LRRC2: variants seen among roughly 807,000 people sequenced by gnomAD.
The protein encoded by LRRC2 is leucine rich repeat containing 2.
A neutral mutation model predicts 40.2 loss-of-function variants in LRRC2; 27 were observed. The ratio of observed to expected loss-of-function variants is 0.67; its 90% CI spans 0.49 to 0.93. The LOEUF (loss-of-function observed/expected upper bound fraction) is 0.93, where lower values mean the gene tolerates loss of function less well. Among genes scored for constraint, LRRC2 ranks in the 40% least tolerant of loss-of-function variants. The probability of loss-of-function intolerance (pLI) is 0.00; values close to 1 mark genes in which losing one functional copy is unlikely to be tolerated. For missense variants in LRRC2, 402 were observed against 439.6 expected, an observed-to-expected ratio of 0.91 and a Z score of 0.76; for synonymous variants, 147 against 158.9, an observed-to-expected ratio of 0.92 and a Z score of 0.56.
chr3:46,563,972 G>T (rs1705004281), intron 1 of LRRC2, among the ~76,000 whole-genome samples: 1 of 152,204 alleles, frequency 6.6e-6, no homozygotes, highest in African/African-American at 2.4e-5. Flanking sequence ...TACTGAGCCA[G>T]TGTACTTAGT....
intron 2 of LRRC2, among the ~76,000 whole-genome samples, chr3:46,550,805 A>C (rs1704628588): frequency 6.6e-6 from 1 of 152,160 alleles, no homozygotes; most frequent in Admixed American, 6.5e-5. Flanking sequence ...CCATTGTGTC[A>C]ATCTTATATA....
intron 2 of LRRC2, 76 bp from the exon 3 acceptor site, chr3:46,545,329 C>T (rs748505400): frequency 8.5e-6 from 11 of 1,292,838 alleles, no homozygotes; most frequent in Non-Finnish European, 1.1e-5. Flanking sequence ...GAGTCAGCCA[C>T]CTGGGCATAG....
At chr3:46,539,999 G>A (rs60700685) in intron 3 of LRRC2, among the ~76,000 whole-genome samples, 7,449 of 152,242 alleles carry the variant, frequency 0.049, 648 homozygotes, top group African/African-American at 0.17. Context: ...TGACCACAAC[G>A]CACCATCAGC....
rs189778098 is a variant in LRRC2 at position 46,527,438 on chromosome 3, G to A, written c.917C>T (p.Ser306Phe). ...CCGGGCTACTCACTTTAAAGGTGTG[G>A]ATGAGTCACAAAGGGCAGTTGGGAG... The part of the protein sequence containing the change: ...VELPTALCDS[S>F]TPLKFVSLMD... The change falls in exon 7 of 9, where the codon TCC (serine) becomes TTC (phenylalanine). Residue 306 changes from serine (S) to phenylalanine (F), a missense_variant. Coordinates refer to ENST00000395905, the MANE Select transcript of LRRC2 (RefSeq NM_024512.5). 6.2e-7 allele frequency: 1 copy of A among 1,613,886 alleles called. No homozygotes were observed. The highest frequency in any genetic ancestry group is 1.3e-5 in the African/African-American group (1 of 75,018).
chr3:46,557,164 G>C (rs930654111), intron 1 of LRRC2, among the ~76,000 whole-genome samples: 7 of 152,102 alleles, frequency 4.6e-5, no homozygotes, highest in African/African-American at 1.7e-4. Context: ...GCCCTGCCCC[G>C]CCTTAACTGA....
At chr3:46,545,697 T>A (rs1704510946) in intron 2 of LRRC2, among the ~76,000 whole-genome samples, 1 of 152,164 alleles carries the variant, frequency 6.6e-6, no homozygotes, top group Non-Finnish European at 1.5e-5. Flanking sequence ...TGAGGTCCAC[T>A]CAGACACTGG....
chr3:46,521,452 T>C, intron 8 of LRRC2, 70 bp downstream of exon 8: 2 of 1,258,374 alleles, frequency 1.6e-6, no homozygotes, highest in Non-Finnish European at 2.1e-6. Flanking sequence ...TTGACTTCTA[T>C]TAACAAATGT....
intron 6 of LRRC2, among the ~76,000 whole-genome samples, chr3:46,528,491 A>G (rs1307909734): frequency 6.6e-6 from 1 of 152,200 alleles, no homozygotes. Context: ...TTCCAACTTT[A>G]AAACAGGAAG....
intron 3 of LRRC2, among the ~76,000 whole-genome samples, chr3:46,542,009 T>C (rs754396239): frequency 6.6e-6 from 1 of 151,986 alleles, no homozygotes; most frequent in Non-Finnish European, 1.5e-5. Context: ...TGAACATTCA[T>C]GAATAATCAT....
intron 1 of LRRC2, among the ~76,000 whole-genome samples, chr3:46,565,093 A>C (rs1045881689): frequency 6.6e-6 from 1 of 152,266 alleles, no homozygotes; most frequent in African/African-American, 2.4e-5. Context: ...ATTAAATGAC[A>C]TTTATGCCAC....
At chr3:46,552,769 C>T (rs918695609) in intron 1 of LRRC2, among the ~76,000 whole-genome samples, 3 of 152,218 alleles carry the variant, frequency 2.0e-5, no homozygotes, top group African/African-American at 7.2e-5. Context: ...CCACTTAAGA[C>T]TGACCACACA....
intron 8 of LRRC2, 82 bp downstream of exon 8, chr3:46,521,440 A>G: frequency 1.7e-6 from 2 of 1,176,226 alleles, no homozygotes; most frequent in South Asian, 3.4e-5. Flanking sequence ...CTTTTTGTCA[A>G]TTTGACTTCT....
At chr3:46,556,255 A>G (rs1208710210) in intron 1 of LRRC2, among the ~76,000 whole-genome samples, 1 of 152,008 alleles carries the variant, frequency 6.6e-6, no homozygotes, top group East Asian at 1.9e-4. Flanking sequence ...AAGTAGCTGG[A>G]AACACAGGGA....
intron 3 of LRRC2, among the ~76,000 whole-genome samples, chr3:46,541,371 G>C (rs1336890537): frequency 6.6e-6 from 1 of 151,546 alleles, no homozygotes; most frequent in African/African-American, 2.4e-5. Context: ...AAAATATTAG[G>C]ATATCAAATG....
chr3:46,563,100 ATG>A (rs879421272), intron 1 of LRRC2, among the ~76,000 whole-genome samples: 5,136 of 152,030 alleles, frequency 0.034, 191 homozygotes, highest in South Asian at 0.15. Flanking sequence ...ACACACATGC[ATG>A]CACACACACA....
At chr3:46,561,569 G>A (rs1704943627) in intron 1 of LRRC2, among the ~76,000 whole-genome samples, 1 of 151,966 alleles carries the variant, frequency 6.6e-6, no homozygotes. Flanking sequence ...GGTTGGCAGG[G>A]GAAGGGGCCG....
chr3:46,530,126 G>T, intron 5 of LRRC2, 76 bp from the exon 6 acceptor site: 1 of 1,213,356 alleles, frequency 8.2e-7, no homozygotes, highest in Non-Finnish European at 1.2e-6. Context: ...TTTTAAGATG[G>T]ATATTTCTTC....
chr3:46,541,158 T>C (rs893209751), intron 3 of LRRC2, among the ~76,000 whole-genome samples: 1 of 151,662 alleles, frequency 6.6e-6, no homozygotes, highest in Non-Finnish European at 1.5e-5. Flanking sequence ...ACAGTGAAAC[T>C]CCGTCTCTAC....
At chr3:46,530,662 C>T (rs932650664) in intron 5 of LRRC2, among the ~76,000 whole-genome samples, 3 of 152,142 alleles carry the variant, frequency 2.0e-5, no homozygotes, top group African/African-American at 7.2e-5. Context: ...AAAGGAGAAG[C>T]GAAGGCACGT....
Sources: allele counts gnomAD v4.1 joint callset (sites outside exome capture counted in the v4.1 genomes callset), GRCh38; gene constraint gnomAD v4.1.1; transcripts MANE v1.5; gene names NCBI Gene and HGNC (gene_info 2026-07-23, HGNC 2026-07-21).